Variants in WWTR1 observed in about 807,000 individuals in gnomAD.
The protein encoded by WWTR1 is WW domain-containing transcription regulator protein 1.
A neutral mutation model predicts 40.1 loss-of-function variants in WWTR1; 13 were observed. The ratio of observed to expected loss-of-function variants is 0.32; its 90% confidence interval spans 0.21 to 0.52. The LOEUF (loss-of-function observed/expected upper bound fraction) is 0.52. WWTR1 is among the 20% of genes least tolerant of loss of function. The pLI is 0.97. For synonymous variants in WWTR1, 230 were observed against 210.1 expected (o/e 1.09, Z -0.82); for missense variants, 436 against 523.1 (o/e 0.83, Z 1.63).
At chr3:149,581,172 C>G (rs575666076) in intron 2 of WWTR1, among the ~76,000 whole-genome samples, 2 of 152,280 alleles carry the variant, frequency 1.3e-5, no homozygotes, top group East Asian at 3.9e-4. Flanking sequence ...GCTTTTAAAA[C>G]ACTATTATTG....
At chr3:149,701,210 T>C (rs1715161130) in intron 1 of WWTR1, among the ~76,000 whole-genome samples, 1 of 152,232 alleles carries the variant, frequency 6.6e-6, no homozygotes, top group Non-Finnish European at 1.5e-5. Flanking sequence ...TGGGAAACGA[T>C]GATTCTTAAA....
intron 1 of WWTR1, among the ~76,000 whole-genome samples, chr3:149,698,932 T>C (rs1439008790): frequency 6.6e-6 from 1 of 152,178 alleles, no homozygotes; most frequent in Non-Finnish European, 1.5e-5. Context: ...CTCCTAAGCC[T>C]CTGAGCCTGT....
At chr3:149,521,472 G>A (rs1238079433) in intron 6 of WWTR1, among the ~76,000 whole-genome samples, 1 of 152,178 alleles carries the variant, frequency 6.6e-6, no homozygotes, top group East Asian at 1.9e-4. Context: ...AGGCAGTTCT[G>A]CAGACGTTTT....
chr3:149,711,034 C>T (rs1715466500), intron 5 of WWTR1, among the ~76,000 whole-genome samples: 1 of 151,980 alleles, frequency 6.6e-6, no homozygotes. Context: ...GATTTACTCC[C>T]CAGTTTAGGA....
chr3:149,543,456 C>T (rs1014561425), intron 3 of WWTR1, among the ~76,000 whole-genome samples: 20 of 151,628 alleles, frequency 1.3e-4, no homozygotes, highest in African/African-American at 4.1e-4. Context: ...ATGGTGCATG[C>T]GTGTAGTCCC....
intron 2 of WWTR1, among the ~76,000 whole-genome samples, chr3:149,635,610 GGGA>G (rs769769751): frequency 1.3e-5 from 2 of 151,814 alleles, no homozygotes; most frequent in African/African-American, 2.4e-5. Context: ...AAGCGGAAGA[GGGA>G]GGAGGAGGAA....
chr3:149,588,306 G>C (rs1738525668), intron 2 of WWTR1, among the ~76,000 whole-genome samples: 1 of 152,164 alleles, frequency 6.6e-6, no homozygotes, highest in Non-Finnish European at 1.5e-5. Context: ...TAAGCAGAAA[G>C]GTGCAGCGGA....
At chr3:149,630,050 T>C (rs2108105760) in intron 2 of WWTR1, among the ~76,000 whole-genome samples, 1 of 152,230 alleles carries the variant, frequency 6.6e-6, no homozygotes, top group East Asian at 1.9e-4. Flanking sequence ...CTCACTATGT[T>C]GCCCAGAGTG....
At chr3:149,632,934 G>C (rs904784184) in intron 2 of WWTR1, among the ~76,000 whole-genome samples, 1 of 152,202 alleles carries the variant, frequency 6.6e-6, no homozygotes, top group Non-Finnish European at 1.5e-5. Context: ...ATGGCTAATA[G>C]CTATCTAGTT....
At chr3:149,676,617 T>C in intron 1 of WWTR1, among the ~76,000 whole-genome samples, 1 of 152,152 alleles carries the variant, frequency 6.6e-6, no homozygotes, top group East Asian at 1.9e-4. Flanking sequence ...TTAGTTCAGA[T>C]TTATGATGAG....
chr3:149,703,869 G>A (rs1476653615), upstream of WWTR1, among the ~76,000 whole-genome samples: 1 of 152,198 alleles, frequency 6.6e-6, no homozygotes, highest in African/African-American at 2.4e-5. Context: ...CCCATCAGAA[G>A]CAGATGCTGG....
intron 2 of WWTR1, among the ~76,000 whole-genome samples, chr3:149,635,330 T>C (rs1251669225): frequency 1.3e-5 from 2 of 152,222 alleles, no homozygotes; most frequent in Admixed American, 1.3e-4. Flanking sequence ...TATTAGGTCT[T>C]TGAGATGAGG....
intron 3 of WWTR1, among the ~76,000 whole-genome samples, chr3:149,570,434 T>C (rs1305057743): frequency 6.6e-6 from 1 of 152,058 alleles, no homozygotes; most frequent in Admixed American, 6.6e-5. Context: ...CTGGGCGTGA[T>C]GATACATGCA....
intron 2 of WWTR1, among the ~76,000 whole-genome samples, chr3:149,653,232 G>A (rs1177700496): frequency 1.3e-5 from 2 of 152,080 alleles, no homozygotes; most frequent in Non-Finnish European, 2.9e-5. Flanking sequence ...CCATTTTCTG[G>A]TTTATGTATA....
chr3:149,607,769 T>C (rs1336162723), intron 2 of WWTR1, among the ~76,000 whole-genome samples: 1 of 152,248 alleles, frequency 6.6e-6, no homozygotes, highest in African/African-American at 2.4e-5. Context: ...TTAACAACTT[T>C]AGGCGACTGC....
chr3:149,702,707 T>C (rs1194677046), intron 1 of WWTR1: 2 of 152,134 alleles, frequency 1.3e-5, no homozygotes, highest in Non-Finnish European at 2.9e-5. Flanking sequence ...AATGGATTTT[T>C]CCATCTATGA....
At chr3:149,644,779 A>T (rs763856965) in intron 2 of WWTR1, among the ~76,000 whole-genome samples, 74 of 152,350 alleles carry the variant, frequency 4.9e-4, no homozygotes, top group Non-Finnish European at 6.6e-4. Context: ...TCTGAGGAGT[A>T]AACCTAGTGT....
intron 1 of WWTR1, among the ~76,000 whole-genome samples, chr3:149,672,360 C>A (rs1714117086): frequency 6.6e-6 from 1 of 152,154 alleles, no homozygotes; most frequent in Non-Finnish European, 1.5e-5. Flanking sequence ...TACATGATTT[C>A]CACTCACAAG....
chr3:149,548,276 A>G (rs1560054892), intron 3 of WWTR1, among the ~76,000 whole-genome samples: 1 of 152,224 alleles, frequency 6.6e-6, no homozygotes, highest in Non-Finnish European at 1.5e-5. Context: ...CAACACCAGG[A>G]AACAGAGAGC....
Sources: allele counts gnomAD v4.1 joint callset (sites outside exome capture counted in the v4.1 genomes callset), GRCh38; gene constraint gnomAD v4.1.1; transcripts MANE v1.5; gene names NCBI Gene and HGNC (gene_info 2026-07-23, HGNC 2026-07-21).